OSBPL9: variants seen among roughly 807,000 people sequenced by gnomAD.
The protein encoded by OSBPL9 is oxysterol binding protein like 9.
In OSBPL9, 40 loss-of-function variants were observed where a neutral mutation model predicts 106.6. The ratio of observed to expected loss-of-function variants is 0.38; its 90% CI spans 0.29 to 0.49. The LOEUF is 0.49. Among genes scored for constraint, OSBPL9 ranks in the 20% least tolerant of loss-of-function variants. The pLI is 0.97. For missense variants in OSBPL9, 609 were observed against 887.2 expected (o/e 0.69, Z 3.98); for synonymous variants, 269 against 295.4 (o/e 0.91, Z 0.92).
At chr1:51,520,468 G>A in the OSBPL9 span, among the ~76,000 whole-genome samples, 1 of 152,174 alleles carries the variant, frequency 6.6e-6, no homozygotes, top group Non-Finnish European at 1.5e-5. Context: ...CGTTAGTTGA[G>A]GGTTTGTCTC....
At chr1:51,550,179 G>A in the OSBPL9 span, among the ~76,000 whole-genome samples, 2 of 152,172 alleles carry the variant, frequency 1.3e-5, no homozygotes, top group African/African-American at 4.8e-5. Context: ...ATGAGGATTA[G>A]ATGAGCACAT....
At chr1:51,600,172 A>G (rs1024592901) in intron 2 of OSBPL9, among the ~76,000 whole-genome samples, 4 of 152,352 alleles carry the variant, frequency 2.6e-5, no homozygotes, top group African/African-American at 9.6e-5. Context: ...CCGTAGCACC[A>G]CTATATAAAG....
At chr1:51,775,590 C>T (rs999782687) in intron 14 of OSBPL9, among the ~76,000 whole-genome samples, 2 of 151,688 alleles carry the variant, frequency 1.3e-5, no homozygotes, top group African/African-American at 4.8e-5. Context: ...TTGTCTCCAC[C>T]ATAGCTTGCT....
chr1:51,619,173 GA>G (rs965540252), intron 1 of OSBPL9, among the ~76,000 whole-genome samples: 6 of 152,276 alleles, frequency 3.9e-5, no homozygotes, highest in African/African-American at 1.4e-4. Context: ...GTGATAATCA[GA>G]AAATCCCGTA....
chr1:51,748,505 T>C (rs1366857066), intron 7 of OSBPL9, 107 bp downstream of exon 7: 1 of 1,205,728 alleles, frequency 8.3e-7, no homozygotes, highest in Non-Finnish European at 1.1e-6. Context: ...GATGTTAGTT[T>C]TTATGAATAT....
chr1:51,708,704 TTTC>T (rs1659165578), intron 3 of OSBPL9, among the ~76,000 whole-genome samples: 1 of 152,200 alleles, frequency 6.6e-6, no homozygotes. Context: ...GTATATTCGA[TTTC>T]TTTTTTCTCC....
At chr1:51,727,915 G>A (rs559735354) in intron 4 of OSBPL9, among the ~76,000 whole-genome samples, 8 of 152,304 alleles carry the variant, frequency 5.3e-5, no homozygotes, top group Non-Finnish European at 4.4e-5. Context: ...AGTTACATGG[G>A]CTATGACGAT....
intron 3 of OSBPL9, among the ~76,000 whole-genome samples, chr1:51,703,239 G>A (rs1234107264): frequency 6.6e-6 from 1 of 152,132 alleles, no homozygotes; most frequent in Non-Finnish European, 1.5e-5. Context: ...GGGCAGTGTG[G>A]CCATTTTCAC....
chr1:51,772,186 A>G lies in OSBPL9; in HGVS notation c.1051+4A>G. 1 of 1,602,028 alleles carries G rather than the reference A, an allele frequency of 6.2e-7. No homozygotes were observed. Among genetic ancestry groups the G allele is most frequent in the Non-Finnish European group, 8.5e-7 (1 of 1,171,690 alleles). Reference sequence around the variant, plus strand: ...TCCAATGGAACAAGTGATGCTGGTAAGTGACCTTTGATAATTTAACTTTTT... The same window carrying G: ...TCCAATGGAACAAGTGATGCTGGTAGGTGACCTTTGATAATTTAACTTTTT... On this transcript the variant is annotated splice_donor_region_variant and intron_variant, in intron 13 of 23. Coordinates refer to ENST00000428468, the MANE Select transcript of OSBPL9 (RefSeq NM_024586.6).
chr1:51,704,929 A>T (rs938022120), intron 3 of OSBPL9, among the ~76,000 whole-genome samples: 1 of 151,978 alleles, frequency 6.6e-6, no homozygotes, highest in Non-Finnish European at 1.5e-5. Context: ...GAGTGTTGCT[A>T]CCTCCTTAAT....
At chr1:51,674,888 C>T (rs1043266029) in intron 3 of OSBPL9, among the ~76,000 whole-genome samples, 4 of 152,216 alleles carry the variant, frequency 2.6e-5, no homozygotes, top group Non-Finnish European at 2.9e-5. Flanking sequence ...AATACACTAA[C>T]GATAGCTGAT....
chr1:51,774,892 C>T (rs1339298414), intron 14 of OSBPL9, among the ~76,000 whole-genome samples: 1 of 152,072 alleles, frequency 6.6e-6, no homozygotes, highest in African/African-American at 2.4e-5. Flanking sequence ...TTTTAAATTA[C>T]GTGTGAAATT....
At chr1:51,715,119 A>G (rs549737724) in intron 4 of OSBPL9, among the ~76,000 whole-genome samples, 10 of 152,312 alleles carry the variant, frequency 6.6e-5, no homozygotes, top group African/African-American at 2.4e-4. Context: ...TTTGTTCTAT[A>G]TCAGGAATTG....
At chr1:51,630,985 C>T (rs1206361338) in intron 1 of OSBPL9, among the ~76,000 whole-genome samples, 1 of 152,110 alleles carries the variant, frequency 6.6e-6, no homozygotes, top group Non-Finnish European at 1.5e-5. Flanking sequence ...TTTCTGCCCA[C>T]TGCGCAAAGA....
chr1:51,776,760 CTT>C (rs57902123), intron 14 of OSBPL9, 71 bp from the exon 15 acceptor site: 7,253 of 779,962 alleles, frequency 9.3e-3, no homozygotes, highest in South Asian at 0.013. Flanking sequence ...GTTTTGTTTT[CTT>C]TTTTTTTTTT....
chr1:51,563,258 A>C, the OSBPL9 span, among the ~76,000 whole-genome samples: 1 of 152,074 alleles, frequency 6.6e-6, no homozygotes, highest in African/African-American at 2.4e-5. Flanking sequence ...TACCCCTTGC[A>C]TTTTTGGCTC....
intron 8 of OSBPL9, among the ~76,000 whole-genome samples, chr1:51,753,141 T>G (rs1177763309): frequency 1.3e-5 from 2 of 152,214 alleles, no homozygotes; most frequent in African/African-American, 4.8e-5. Flanking sequence ...AACTAATCTT[T>G]AGGTAAATTT....
At chr1:51,607,172 T>C (rs1337315511) in intron 2 of OSBPL9, among the ~76,000 whole-genome samples, 2 of 148,108 alleles carry the variant, frequency 1.4e-5, no homozygotes, top group African/African-American at 2.5e-5. Context: ...TTCTTTTTTT[T>C]TTTTTTTTTG....
At chr1:51,705,376 C>CTCATATATATAT (rs1447902837) in intron 3 of OSBPL9, among the ~76,000 whole-genome samples, 5 of 41,654 alleles carry the variant, frequency 1.2e-4, no homozygotes, top group Admixed American at 4.1e-4. Flanking sequence ...TAGGGTGTTT[C>CTCATATATATAT]ATATATATAT....
Sources: allele counts gnomAD v4.1 joint callset (sites outside exome capture counted in the v4.1 genomes callset), GRCh38; gene constraint gnomAD v4.1.1; transcripts MANE v1.5; gene names NCBI Gene and HGNC (gene_info 2026-07-23, HGNC 2026-07-21).